CA4: variants seen among roughly 807,000 people sequenced by gnomAD.
CA4 encodes the protein carbonic anhydrase 4.
A neutral mutation model predicts 34.5 loss-of-function variants in CA4; 24 were observed. The observed-to-expected ratio is 0.70, with a 90% CI of 0.50 to 0.98. The LOEUF (loss-of-function observed/expected upper bound fraction) is 0.98. Among genes scored for constraint, CA4 ranks in the 50% least tolerant of loss-of-function variants. CA4 has a pLI of 0.00. For synonymous variants in CA4, 178 were observed against 170.6 expected (o/e 1.04, Z -0.34); for missense variants, 394 against 396.7 (o/e 0.99, Z 0.06).
chr17:60,169,510 G>A (rs1209875179), intron 5 of CA4, among the ~76,000 whole-genome samples: 2 of 151,980 alleles, frequency 1.3e-5, no homozygotes, highest in Non-Finnish European at 2.9e-5. Flanking sequence ...TTTTTTTTAA[G>A]ATGGAGTCTT....
chr17:60,158,140 G>C lies in CA4; in HGVS notation c.580+13G>C, dbSNP rs199630115. ...ATCCCCAAACCTGGTGAGTCAGGATGGGGGAGAAGGGCTTGGGGTGAGGGG... is the reference window on the plus strand; with the variant it reads ...ATCCCCAAACCTGGTGAGTCAGGATCGGGGAGAAGGGCTTGGGGTGAGGGG... On this transcript the variant is annotated intron_variant, in intron 6 of 7. Transcript: ENST00000300900. 2 of 1,613,454 alleles carry C rather than the reference G, an allele frequency of 1.2e-6. No individual in the cohort carries two copies. The highest frequency in any genetic ancestry group is 1.7e-5 in the Admixed American group (1 of 60,006).
rs1395338418 is a variant in CA4, at chr17:60,159,257, T to C, written c.772T>C (p.Tyr258His). 1 of 1,607,290 alleles carries C rather than the reference T, an allele frequency of 6.2e-7. No homozygotes were observed. Among genetic ancestry groups the C allele is most frequent in the African/African-American group, 1.3e-5 (1 of 74,692 alleles). Residue 258 changes from tyrosine (Y) to histidine (H), a missense_variant, in exon 8 of 8, where the codon TAC becomes CAC. Transcript: ENST00000300900. ...QILAFSQKLY[Y>H]DKEQTVSMKD... is the part of the protein sequence containing the mutation. Reference sequence around the variant, plus strand: ...CCTGGCATTCTCTCAGAAGCTGTACTACGACAAGGAACAGACAGTGAGCAT... The same window carrying C: ...CCTGGCATTCTCTCAGAAGCTGTACCACGACAAGGAACAGACAGTGAGCAT...
In CA4 at chr17:60,156,633, GGTGGA is replaced by G; in HGVS notation, c.187_191del (p.Val63GlnfsTer13). 1 of 1,614,138 alleles carries G rather than the reference GGTGGA, an allele frequency of 6.2e-7. No homozygotes were observed. The highest frequency in any genetic ancestry group is 8.5e-7 in the Non-Finnish European group (1 of 1,179,958). Reference sequence around the variant, plus strand: ...TCAACATCGTCACCACCAAGGCAAAGGTGGACAAAAAACTGGGACGCTTCTTCTTC... The same window carrying G: ...TCAACATCGTCACCACCAAGGCAAAGCAAAAAACTGGGACGCTTCTTCTTC... On this transcript the variant is annotated frameshift_variant, in exon 3 of 8. Coordinates refer to ENST00000300900, the MANE Select transcript of CA4 (RefSeq NM_000717.5). LOFTEE classifies it high-confidence loss of function.
At chr17:60,158,931 G>A (rs890417920) in intron 7 of CA4, 4 of 482,736 alleles carry the variant, frequency 8.3e-6, no homozygotes, top group African/African-American at 1.9e-5. Context: ...TGATGCTAAC[G>A]CATGCTCAAG....
In CA4 at chr17:60,165,946, T is replaced by A. The variant is rs189044074; in HGVS notation, c.*179-4605T>A. ...CTGGTTGTCTTGTACTTTTATTTAC[T>A]AGGTCTGGTGACCCTACCTCCATCC... On this transcript the variant is annotated intron_variant and NMD_transcript_variant, in intron 5 of 5. Coordinates refer to the CA4 transcript ENST00000586876. Among the ~76,000 whole-genome samples the A allele has an allele frequency of 5.9e-5, 9 of 152,308 alleles. No homozygotes were observed. The East Asian group carries it at 1.7e-3, about 29-fold the overall frequency.
chr17:60,158,756 G>A, intron 7 of CA4: 2 of 472,278 alleles, frequency 4.2e-6, no homozygotes, highest in Non-Finnish European at 3.9e-6. Context: ...CCCTTGCACT[G>A]CTTTCATTCC....
At chr17:60,166,723 AG>A (rs55784388) in intron 5 of CA4, among the ~76,000 whole-genome samples, 151,861 of 152,206 alleles carry the variant, frequency 1, 75,760 homozygotes, top group South Asian at 1. Flanking sequence ...TGGGAGGCCA[AG>A]GGGGGGGCGG....
At chr17:60,156,510 A>T in intron 2 of CA4, 50 bp from the exon 3 acceptor site, 1 of 1,599,116 alleles carries the variant, frequency 6.3e-7, no homozygotes. Flanking sequence ...TGGGGGCTAC[A>T]CCTTGGTGCC....
At chr17:60,178,726 T>TTGAAAAATCCTCGTCCATGCC in the CA4 span, among the ~76,000 whole-genome samples, 2 of 152,344 alleles carry the variant, frequency 1.3e-5, no homozygotes, top group East Asian at 3.9e-4. Flanking sequence ...AAAAAATAAA[T>TTGAAAAATCCTCGTCCATGCC]TGAAAAATCC....
chr17:60,150,341 C>A (rs1281397296), intron 1 of CA4, among the ~76,000 whole-genome samples: 1 of 152,250 alleles, frequency 6.6e-6, no homozygotes. Context: ...AGGGTGTGTG[C>A]GCGTGGCCCG....
rs1327329963 is a variant in CA4 at position 60,168,325 on chromosome 17, G to T, written c.*179-2226G>T. ...GAAGGGTGATTTCTTTTTATTTTTT[G>T]GGGGGGAGGTGAAGAAGGGTGATTT... On this transcript the variant is annotated intron_variant and NMD_transcript_variant, in intron 5 of 5. Coordinates refer to the CA4 transcript ENST00000586876. Among the ~76,000 whole-genome samples the T allele has an allele frequency of 4.0e-4, 36 of 89,282 alleles. 4 individuals are homozygous for T. Among genetic ancestry groups the T allele is most frequent in the African/African-American group, 1.6e-3 (34 of 21,886 alleles). 58.6% of individuals were successfully genotyped at this position (89,282 alleles called of 152,430 possible).
intron 3 of CA4, among the ~76,000 whole-genome samples, 166 bp from the exon 4 acceptor site, chr17:60,157,261 G>A (rs1382453076): frequency 6.6e-6 from 1 of 152,240 alleles, no homozygotes; most frequent in African/African-American, 2.4e-5. Flanking sequence ...AAAGGTCCGG[G>A]GCTGTCCCAC....
At chr17:60,151,720 C>T (rs1490079650) in intron 1 of CA4, among the ~76,000 whole-genome samples, 1 of 152,156 alleles carries the variant, frequency 6.6e-6, no homozygotes, top group Non-Finnish European at 1.5e-5. Flanking sequence ...TGTGTCTCAG[C>T]TCACCCCTCA....
downstream of CA4, among the ~76,000 whole-genome samples, chr17:60,163,974 GA>G (rs991025018): frequency 6.6e-6 from 1 of 151,754 alleles, no homozygotes; most frequent in African/African-American, 2.4e-5. Context: ...CTACGAGGGG[GA>G]AAAAAAGAAG....
Position 60,155,342 on chromosome 17 carries a change from C to T in CA4, c.87C>T (p.Ala29=), listed in dbSNP as rs537429987. 1.7e-5 allele frequency: 27 copies of T among 1,611,378 alleles called. No individual in the cohort carries two copies. Among genetic ancestry groups the T allele is most frequent in the East Asian group, 1.6e-4 (7 of 44,746 alleles). The change falls in exon 2 of 8, where the codon GCC becomes GCT. Residue 29 remains alanine (A), a synonymous_variant. Transcript: ENST00000300900. ...AESHWCYEVQ[A]ESSNYPCLVP... ...CACACTGGTGCTACGAGGTTCAAGC[C>T]GAGTCCTCCAACTACCCCTGCTTGG... is the stretch of plus-strand genomic sequence containing the variant.
downstream of CA4, among the ~76,000 whole-genome samples, chr17:60,175,098 C>G (rs1480595609): frequency 6.6e-6 from 1 of 151,990 alleles, no homozygotes; most frequent in Non-Finnish European, 1.5e-5. Flanking sequence ...ACAATCAAGG[C>G]AACCTCAACC....
In CA4 at chr17:60,156,594, C is replaced by T. The variant is rs1384701429; in HGVS notation, c.147C>T (p.Asp49=). The T allele has an allele frequency of 6.2e-6, 10 of 1,614,080 alleles. No individual in the cohort carries two copies. In the East Asian group the frequency reaches 6.7e-5, roughly 11 times the overall value. Residue 49 remains aspartate (D), a synonymous_variant, in exon 3 of 8, where the codon GAC becomes GAT. Coordinates refer to ENST00000300900, the MANE Select transcript of CA4 (RefSeq NM_000717.5). ...AGTGGGGTGGAAACTGCCAGAAGGACCGCCAGTCCCCCATCAACATCGTCA... is the reference window on the plus strand; with the variant it reads ...AGTGGGGTGGAAACTGCCAGAAGGATCGCCAGTCCCCCATCAACATCGTCA... ...PVKWGGNCQK[D]RQSPINIVTT...
chr17:60,150,403 G>A (rs1222199846), intron 1 of CA4, among the ~76,000 whole-genome samples: 1 of 152,090 alleles, frequency 6.6e-6, no homozygotes, highest in African/African-American at 2.4e-5. Context: ...CCGGGCGCGG[G>A]TGCTCCAGCC....
chr17:60,159,182 AG>A, intron 7 of CA4, 47 bp from the exon 8 acceptor site: 1 of 1,499,570 alleles, frequency 6.7e-7, no homozygotes, highest in Non-Finnish European at 9.1e-7. Context: ...CACGGCAGGG[AG>A]TGCAGCTCCC....
Sources: allele counts gnomAD v4.1 joint callset (sites outside exome capture counted in the v4.1 genomes callset), GRCh38; gene constraint gnomAD v4.1.1; transcripts MANE v1.5; gene names NCBI Gene and HGNC (gene_info 2026-07-23, HGNC 2026-07-21).